PLCXD3: variants seen among roughly 807,000 people sequenced by gnomAD.
PLCXD3 encodes the protein phosphatidylinositol specific phospholipase C X domain containing 3, also known as PI-PLC X domain-containing protein 3.
Under a neutral mutation model 25.5 loss-of-function variants are expected in PLCXD3, and 19 were observed. The observed-to-expected ratio is 0.75, with a 90% confidence interval of 0.52 to 1.09. PLCXD3 has a LOEUF of 1.09. PLCXD3 is among the 50% of genes least tolerant of loss of function. The pLI, the probability that PLCXD3 is intolerant of heterozygous loss-of-function variation, is 0.00. For synonymous variants in PLCXD3, 174 were observed against 137.6 expected (o/e 1.26, Z -1.85); for missense variants, 411 against 388.1 (o/e 1.06, Z -0.50).
chr5:41,500,561 T>G (rs1199995435), intron 1 of PLCXD3, among the ~76,000 whole-genome samples: 4 of 143,832 alleles, frequency 2.8e-5, no homozygotes, highest in African/African-American at 1.0e-4. Flanking sequence ...ATATATATTA[T>G]ATGCACACAC....
At chr5:41,451,495 G>T (rs1747630371) in intron 1 of PLCXD3, among the ~76,000 whole-genome samples, 1 of 151,970 alleles carries the variant, frequency 6.6e-6, no homozygotes. Context: ...GAAAAGATGG[G>T]TATAGATGAC....
intron 2 of PLCXD3, among the ~76,000 whole-genome samples, chr5:41,380,672 A>G (rs1009155065): frequency 3.3e-5 from 5 of 152,052 alleles, no homozygotes; most frequent in African/African-American, 1.2e-4. Flanking sequence ...TTTTCTCTTC[A>G]TCTTTTGTCT....
At chr5:41,460,859 A>T (rs373791982) in intron 1 of PLCXD3, among the ~76,000 whole-genome samples, 3 of 151,742 alleles carry the variant, frequency 2.0e-5, no homozygotes, top group African/African-American at 4.8e-5. Flanking sequence ...GGAATTGTGA[A>T]TTTTTTTTCT....
chr5:41,391,624 G>A (rs1400968610), intron 1 of PLCXD3, among the ~76,000 whole-genome samples: 2 of 152,148 alleles, frequency 1.3e-5, no homozygotes, highest in Non-Finnish European at 2.9e-5. Context: ...GTGAGTCTCA[G>A]CACATTACCA....
At chr5:41,485,122 T>C (rs1438738587) in intron 1 of PLCXD3, among the ~76,000 whole-genome samples, 1 of 152,190 alleles carries the variant, frequency 6.6e-6, no homozygotes, top group Admixed American at 6.5e-5. Flanking sequence ...ACACCAATTA[T>C]TTCATTTCAT....
chr5:41,441,715 G>A (rs571899194), intron 1 of PLCXD3, among the ~76,000 whole-genome samples: 4 of 152,250 alleles, frequency 2.6e-5, no homozygotes, highest in South Asian at 2.1e-4. Context: ...AGTAGACAAC[G>A]TCTTGGGGAT....
chr5:41,387,265 C>A (rs534055242), intron 1 of PLCXD3, among the ~76,000 whole-genome samples: 7 of 152,180 alleles, frequency 4.6e-5, no homozygotes, highest in African/African-American at 1.7e-4. Flanking sequence ...GAACCTTAGC[C>A]TCAAAAGAGA....
At chr5:41,490,770 C>T (rs186658700) in intron 1 of PLCXD3, among the ~76,000 whole-genome samples, 1,538 of 152,242 alleles carry the variant, frequency 0.01, 19 homozygotes, top group Non-Finnish European at 0.015. Flanking sequence ...TCTGTGGGAT[C>T]GGTGGTGATA....
intron 2 of PLCXD3, among the ~76,000 whole-genome samples, chr5:41,323,849 G>A (rs1051618983): frequency 5.9e-5 from 9 of 152,200 alleles, no homozygotes; most frequent in African/African-American, 2.2e-4. Context: ...ATTCTGGCAC[G>A]TGGACATCAT....
At chr5:41,345,611 CA>C (rs1441003621) in intron 2 of PLCXD3, among the ~76,000 whole-genome samples, 9 of 152,146 alleles carry the variant, frequency 5.9e-5, no homozygotes, top group Admixed American at 1.3e-4. Context: ...TGCAAACAGT[CA>C]AATATCTTGG....
At chr5:41,446,151 T>C (rs1469834682) in intron 1 of PLCXD3, among the ~76,000 whole-genome samples, 1 of 112,620 alleles carries the variant, frequency 8.9e-6, no homozygotes, top group Non-Finnish European at 1.7e-5. Context: ...CACTCCAGTC[T>C]GGGCGACGGA....
chr5:41,395,036 C>T (rs1443128762), intron 1 of PLCXD3, among the ~76,000 whole-genome samples: 1 of 152,202 alleles, frequency 6.6e-6, no homozygotes, highest in East Asian at 1.9e-4. Context: ...TTTTCCTCAG[C>T]ACATGGATAT....
intron 1 of PLCXD3, among the ~76,000 whole-genome samples, chr5:41,453,550 T>C (rs1002061622): frequency 1.3e-5 from 2 of 152,026 alleles, no homozygotes; most frequent in Non-Finnish European, 2.9e-5. Context: ...GGTCAAGTTA[T>C]TCACCTTTCT....
chr5:41,381,627 T>C (rs962717845), intron 2 of PLCXD3, among the ~76,000 whole-genome samples, 199 bp downstream of exon 2: 8 of 152,078 alleles, frequency 5.3e-5, no homozygotes, highest in South Asian at 2.1e-4. Flanking sequence ...CCTGCTGACA[T>C]TGATTTCAGA....
At chr5:41,501,725 G>A (rs192884414) in intron 1 of PLCXD3, among the ~76,000 whole-genome samples, 2 of 152,176 alleles carry the variant, frequency 1.3e-5, no homozygotes, top group African/African-American at 4.8e-5. Context: ...AAAAAATAAG[G>A]TGTGCTAAGA....
intron 1 of PLCXD3, among the ~76,000 whole-genome samples, chr5:41,490,690 C>A (rs917877968): frequency 2.0e-5 from 3 of 152,238 alleles, no homozygotes; most frequent in Admixed American, 1.3e-4. Flanking sequence ...GGAATTTATC[C>A]ATTTCTTCTA....
chr5:41,506,346 A>G (rs1490343612), intron 1 of PLCXD3, among the ~76,000 whole-genome samples: 1 of 152,222 alleles, frequency 6.6e-6, no homozygotes, highest in Non-Finnish European at 1.5e-5. Context: ...ATACTGTTCA[A>G]TTTTTCCTTG....
intron 2 of PLCXD3, among the ~76,000 whole-genome samples, chr5:41,351,027 G>T (rs1039385406): frequency 6.6e-6 from 1 of 152,128 alleles, no homozygotes; most frequent in East Asian, 1.9e-4. Context: ...AAGGACTGGA[G>T]AAAGTATTAA....
Position 41,471,848 on chromosome 5 carries a change from C to T in PLCXD3, c.103+38576G>A, listed in dbSNP as rs1209395089. ...CTCCCCTCCCCTCCCCTCCCCTCCC[C>T]TCCCCTCCCTTCCCTTCCCTTCCCT... On this transcript the variant is annotated intron_variant, in intron 1 of 2. Transcript: ENST00000377801. Among the ~76,000 whole-genome samples, 4 of 6,288 alleles carry T rather than the reference C, an allele frequency of 6.4e-4. 1 individual carries two copies. The highest frequency in any genetic ancestry group is 2.5e-3 in the Admixed American group (1 of 400). 4.1% of individuals were successfully genotyped at this position (6,288 alleles called of 152,430 possible).
Sources: gnomAD v4.1 joint callset for allele counts (sites outside exome capture counted in the v4.1 genomes callset) on GRCh38, gnomAD v4.1.1 for gene constraint, MANE v1.5 for transcripts, NCBI Gene and HGNC (gene_info 2026-07-23, HGNC 2026-07-21) for gene names.